The following CEACAM4 variants were observed in gnomAD, a reference collection of about 807,000 sequenced individuals.
CEACAM4 encodes cell adhesion molecule CEACAM4.
A neutral mutation model predicts 28.7 loss-of-function variants in CEACAM4; 30 were observed. The ratio of observed to expected loss-of-function variants is 1.05; its 90% CI spans 0.78 to 1.42. CEACAM4 has a LOEUF of 1.42. Ranked by LOEUF, CEACAM4 falls within the 40% of genes most tolerant of loss-of-function variation. CEACAM4 has a pLI of 0.00. For synonymous variants in CEACAM4, 143 were observed against 126.5 expected (o/e 1.13, Z -0.87); for missense variants, 330 against 308.2 (o/e 1.07, Z -0.53).
downstream of CEACAM4, among the ~76,000 whole-genome samples, chr19:41,617,289 C>T (rs1208178547): frequency 2.6e-5 from 4 of 152,144 alleles, no homozygotes; most frequent in African/African-American, 9.7e-5. Flanking sequence ...GCATGGAGAG[C>T]CCTCCGTCTC....
chr19:41,625,008 G>A (rs2071545668), intron 2 of CEACAM4, among the ~76,000 whole-genome samples: 1 of 152,174 alleles, frequency 6.6e-6, no homozygotes, highest in African/African-American at 2.4e-5. Context: ...TCATTCAGGG[G>A]GCCAATGCCC....
downstream of CEACAM4, among the ~76,000 whole-genome samples, chr19:41,617,706 A>G (rs2071010242): frequency 6.6e-6 from 1 of 152,180 alleles, no homozygotes; most frequent in African/African-American, 2.4e-5. Context: ...GAAAGAGGAC[A>G]CAGCCAAGGT....
At chr19:41,626,538 T>A (rs548874918) in intron 1 of CEACAM4, among the ~76,000 whole-genome samples, 1 of 152,342 alleles carries the variant, frequency 6.6e-6, no homozygotes, top group South Asian at 2.1e-4. Flanking sequence ...TATTTCCCAG[T>A]GTCTGAGGTT....
downstream of CEACAM4, among the ~76,000 whole-genome samples, chr19:41,616,893 G>A (rs1364639479): frequency 2.6e-5 from 4 of 152,224 alleles, no homozygotes; most frequent in East Asian, 7.7e-4. Context: ...AAAGCAGGCT[G>A]TGAGCCCCCC....
chr19:41,620,528 T>C (rs1405107978), intron 4 of CEACAM4, 47 bp downstream of exon 4: 6 of 1,540,462 alleles, frequency 3.9e-6, no homozygotes, highest in Non-Finnish European at 5.3e-6. Context: ...GTGGACACCG[T>C]AGGGCAGGCC....
In CEACAM4 at chr19:41,625,727, T is replaced by C. The variant is rs782633933; in HGVS notation, c.298A>G (p.Thr100Ala). ...IPGAAYSGRE[T>A]VYPNGSLLFQ... ...AGCAGGGATCCATTGGGGTATACTG[T>C]CTCTCGACCACTGTATGCGGCCCCT... is the stretch of plus-strand genomic sequence containing the variant. Residue 100 changes from threonine to alanine, a missense_variant, in exon 2 of 7, where the codon ACA (threonine) becomes GCA (alanine). By Grantham distance (58) the Thr-to-Ala change is moderately conservative. Coordinates refer to ENST00000221954, the MANE Select transcript of CEACAM4 (RefSeq NM_001817.4). 1 of 1,613,998 alleles carries C rather than the reference T, an allele frequency of 6.2e-7. No individual in the cohort carries two copies. The highest frequency in any genetic ancestry group is 2.2e-5 in the East Asian group (1 of 44,850).
chr19:41,625,545 A>T, intron 2 of CEACAM4, 56 bp downstream of exon 2: 2 of 1,533,192 alleles, frequency 1.3e-6, no homozygotes, highest in Non-Finnish European at 1.8e-6. Flanking sequence ...TGACAATCTC[A>T]TGTGTGTGAA....
At chr19:41,615,746 T>C (rs559150659), downstream of CEACAM4, among the ~76,000 whole-genome samples, 1 of 152,020 alleles carries the variant, frequency 6.6e-6, no homozygotes, top group Admixed American at 6.6e-5. Context: ...TGTGGGAATG[T>C]GAGGTGGGGT....
chr19:41,624,720 T>G (rs2071526980), intron 2 of CEACAM4, among the ~76,000 whole-genome samples: 1 of 152,218 alleles, frequency 6.6e-6, no homozygotes, highest in African/African-American at 2.4e-5. Flanking sequence ...CCGGTGTCTG[T>G]ATCTCTCTGT....
the CEACAM4 span, among the ~76,000 whole-genome samples, chr19:41,613,838 G>A: frequency 6.6e-6 from 1 of 152,122 alleles, no homozygotes; most frequent in Non-Finnish European, 1.5e-5. Context: ...GGAAGGAGGT[G>A]GAGAACTGGA....
chr19:41,616,261 T>A (rs2070980788), downstream of CEACAM4, among the ~76,000 whole-genome samples: 1 of 151,890 alleles, frequency 6.6e-6, no homozygotes, highest in Admixed American at 6.6e-5. Flanking sequence ...CGAACACCTG[T>A]CCTCAAGTGA....
downstream of CEACAM4, among the ~76,000 whole-genome samples, chr19:41,618,068 T>G (rs2071029649): frequency 6.6e-6 from 1 of 152,128 alleles, no homozygotes; most frequent in Non-Finnish European, 1.5e-5. Flanking sequence ...ACCAGCTCAC[T>G]TGTGGGAAGG....
At chr19:41,625,444 A>C in intron 2 of CEACAM4, 157 bp downstream of exon 2, 1 of 851,356 alleles carries the variant, frequency 1.2e-6, no homozygotes, top group Non-Finnish European at 1.9e-6. Flanking sequence ...TGATCTGTTG[A>C]AGTTTACCTA....
chr19:41,626,834 C>T (rs990473818), intron 1 of CEACAM4, 66 bp downstream of exon 1: 53 of 1,457,518 alleles, frequency 3.6e-5, no homozygotes, highest in Non-Finnish European at 5.1e-5. Context: ...TCCCCTCCTA[C>T]CCAAGAGACC....
chr19:41,621,279 C>T (rs1476951666), intron 3 of CEACAM4, among the ~76,000 whole-genome samples: 2 of 152,132 alleles, frequency 1.3e-5, no homozygotes, highest in Non-Finnish European at 2.9e-5. Flanking sequence ...GGACCCCCAC[C>T]ATGGATCTCA....
chr19:41,621,058 G>A (rs1406459147), intron 3 of CEACAM4, among the ~76,000 whole-genome samples: 1 of 152,056 alleles, frequency 6.6e-6, no homozygotes, highest in African/African-American at 2.4e-5. Context: ...TCCCTGCCAT[G>A]GCCAGACCCT....
chr19:41,624,820 G>C (rs1471340193), intron 2 of CEACAM4, among the ~76,000 whole-genome samples: 1 of 152,202 alleles, frequency 6.6e-6, no homozygotes, highest in East Asian at 1.9e-4. Context: ...TTATTCACAG[G>C]ATCTGACATG....
At position 41,621,660 on chromosome 19, in the gene CEACAM4, C is replaced by T. The variant is rs2071297915; in HGVS notation, c.533G>A (p.Arg178Lys). Residue 178 changes from arginine to lysine, a missense_variant, in exon 3 of 7, where the codon AGG becomes AAG. Physicochemically the swap from Arg to Lys is conservative, Grantham distance 26. Transcript: ENST00000221954. ...AALVCFLLLS[R>K]TGRASIQRDL... ...GGAAAAGCTGCGGTACCTTCCAGTCCTGGAGAGAAGCAGAAAACACACCAG... is the reference window on the plus strand; with the variant it reads ...GGAAAAGCTGCGGTACCTTCCAGTCTTGGAGAGAAGCAGAAAACACACCAG... 1.9e-6 allele frequency: 3 copies of T among 1,595,592 alleles called. No homozygotes were observed. The highest frequency in any genetic ancestry group is 1.7e-6 in the Non-Finnish European group (2 of 1,163,552).
In CEACAM4 at chr19:41,625,827, A is replaced by G; in HGVS notation, c.198T>C (p.Tyr66=). 1.9e-6 allele frequency: 3 copies of G among 1,613,986 alleles called. No individual in the cohort carries two copies. The highest frequency in any genetic ancestry group is 2.5e-6 in the Non-Finnish European group (3 of 1,179,986). ...CNISETIQAY[Y]WHKGKTAEGS... is the part of the protein sequence containing the mutation. The stretch of plus-strand genomic sequence containing the variant: ...CTTCTGCCGTTTTCCCCTTGTGCCA[A>G]TAATAGGCTTGAATAGTTTCTGAAA... Residue 66 remains tyrosine, a synonymous_variant, in exon 2 of 7, where the codon TAT becomes TAC. Transcript: ENST00000221954.
Sources: gnomAD v4.1 joint callset for allele counts (sites outside exome capture counted in the v4.1 genomes callset) on GRCh38, gnomAD v4.1.1 for gene constraint, MANE v1.5 for transcripts, NCBI Gene and HGNC (gene_info 2026-07-23, HGNC 2026-07-21) for gene names.